The following AGPAT4 variants were observed in gnomAD, a reference collection of about 807,000 sequenced individuals.
The protein encoded by AGPAT4 is 1-acyl-sn-glycerol-3-phosphate acyltransferase delta.
AGPAT4 carries 15 observed loss-of-function variants against 48.0 expected under a neutral mutation model. The observed-to-expected ratio is 0.31, with a 90% CI of 0.21 to 0.48. AGPAT4 has a LOEUF of 0.48. Among genes scored for constraint, AGPAT4 ranks in the 20% least tolerant of loss-of-function variants. The probability of loss-of-function intolerance (pLI) is 0.99; values close to 1 mark genes in which losing one functional copy is unlikely to be tolerated. For synonymous variants in AGPAT4, 178 were observed against 198.7 expected (o/e 0.90, Z 0.88); for missense variants, 314 against 482.5 (o/e 0.65, Z 3.27).
intron 2 of AGPAT4, among the ~76,000 whole-genome samples, chr6:161,179,036 A>T (rs1349909009): frequency 6.6e-6 from 1 of 152,090 alleles, no homozygotes; most frequent in African/African-American, 2.4e-5. Context: ...AAAGCCCCAA[A>T]CCATTGCTTG....
Position 161,243,313 on chromosome 6 carries a change from C to T in AGPAT4, c.-89-11011G>A, listed in dbSNP as rs999475644. Among the ~76,000 whole-genome samples, 1 of 152,018 alleles carries T rather than the reference C, an allele frequency of 6.6e-6. No homozygotes were observed. The highest frequency in any genetic ancestry group is 1.5e-5 in the Non-Finnish European group (1 of 67,994). ...CCGGCCCTGGGCCGGCAGAAGCAGGCGTGAGGTGGCTGGCATCCCCAGCCG... is the reference window on the plus strand; with the variant it reads ...CCGGCCCTGGGCCGGCAGAAGCAGGTGTGAGGTGGCTGGCATCCCCAGCCG... On this transcript the variant is annotated intron_variant, in intron 1 of 8. Transcript: ENST00000320285. This position sits in a 1 kb window ranked among gnomAD's most constrained non-coding sequence, Gnocchi z 4.8.
In AGPAT4 at chr6:161,171,347, G is replaced by C. The variant is rs1488458158; in HGVS notation, c.179-4930C>G. Among the ~76,000 whole-genome samples the C allele has an allele frequency of 6.6e-6, 1 of 152,230 alleles. No individual in the cohort carries two copies. The highest frequency in any genetic ancestry group is 1.5e-5 in the Non-Finnish European group (1 of 68,046). ...TTATTTCTTATAGTTCTGGAGGCTG[G>C]GAAGTCCAAAGTCAAGAGGGCTGCA... On this transcript the variant is annotated intron_variant, in intron 2 of 8. Coordinates refer to ENST00000320285, the MANE Select transcript of AGPAT4 (RefSeq NM_020133.3). This position sits in a 1 kb window ranked among gnomAD's most constrained non-coding sequence, Gnocchi z 4.4.
chr6:161,170,841 G>C (rs1470811579), intron 2 of AGPAT4, among the ~76,000 whole-genome samples: 2 of 152,162 alleles, frequency 1.3e-5, no homozygotes, highest in African/African-American at 2.4e-5. Context: ...TCAGGGCTCA[G>C]GGCATGCAGC....
At position 161,155,402 on chromosome 6, in the gene AGPAT4, G is replaced by A. The variant is rs144328895; in HGVS notation, c.349-1092C>T. Among the ~76,000 whole-genome samples, 530 of 152,292 alleles carry A rather than the reference G, an allele frequency of 3.5e-3. 1 individual carries two copies. Among genetic ancestry groups the A allele is most frequent in the African/African-American group, 0.012 (490 of 41,554 alleles). Reference sequence around the variant, plus strand: ...GCCCTAAACCTAGGATGCCCACAGCGCAGAGAGCTCCGGCTTCAACACAGC... The same window carrying A: ...GCCCTAAACCTAGGATGCCCACAGCACAGAGAGCTCCGGCTTCAACACAGC... On this transcript the variant is annotated intron_variant, in intron 3 of 8. Transcript: ENST00000320285. This position sits in a 1 kb window ranked among gnomAD's most constrained non-coding sequence, Gnocchi z 5.8.
Position 161,161,618 on chromosome 6 carries a change from G to T in AGPAT4, c.348+4630C>A. On this transcript the variant is annotated intron_variant, in intron 3 of 8. Transcript: ENST00000320285. This position sits in a 1 kb window ranked among gnomAD's most constrained non-coding sequence, Gnocchi z 4.6. ...CAAAACCATGGCGGTGGGCATATCT[G>T]CTGAAAATACCCCTCCATATCTGGA... 1 of 386,912 alleles carries T rather than the reference G, an allele frequency of 2.6e-6. No individual in the cohort carries two copies. The highest frequency in any genetic ancestry group is 5.2e-6 in the Non-Finnish European group (1 of 190,634). 24.0% of individuals were successfully genotyped at this position (386,912 alleles called of 1,614,324 possible).
Position 161,178,277 on chromosome 6 carries a change from T to A in AGPAT4, c.179-11860A>T, listed in dbSNP as rs917827559. On this transcript the variant is annotated intron_variant, in intron 2 of 8. Coordinates refer to ENST00000320285, the MANE Select transcript of AGPAT4 (RefSeq NM_020133.3). This position sits in a 1 kb window ranked among gnomAD's most constrained non-coding sequence, Gnocchi z 5.1. ...CAGGCCTCCTTGAGCTGCGGTGGGC[T>A]CCACCCAATTCAAGCTTCCCAGCCA... 3.3e-5 allele frequency among the ~76,000 whole-genome samples: 5 copies of A among 152,036 alleles called. No individual in the cohort carries two copies. Among genetic ancestry groups the A allele is most frequent in the African/African-American group, 7.2e-5 (3 of 41,430 alleles).
chr6:161,228,606 T>G (rs1215304104), intron 2 of AGPAT4, among the ~76,000 whole-genome samples: 3 of 138,186 alleles, frequency 2.2e-5, no homozygotes, highest in Non-Finnish European at 4.6e-5. Flanking sequence ...ACCCTGACAT[T>G]AATAGATTCT....
At position 161,202,039 on chromosome 6, in the gene AGPAT4, C is replaced by T. The variant is rs1781252512; in HGVS notation, c.178+29997G>A. ...CAGGAAGTCTACCTGACCCGGGAAC[C>T]TGGACAAGGTGGCTCTCATATATAC... On this transcript the variant is annotated intron_variant, in intron 2 of 8. Coordinates refer to ENST00000320285, the MANE Select transcript of AGPAT4 (RefSeq NM_020133.3). This position sits in a 1 kb window ranked among gnomAD's most constrained non-coding sequence, Gnocchi z 5.4. Among the ~76,000 whole-genome samples, 1 of 152,192 alleles carries T rather than the reference C, an allele frequency of 6.6e-6. No individual in the cohort carries two copies. The highest frequency in any genetic ancestry group is 1.5e-5 in the Non-Finnish European group (1 of 68,038).
chr6:161,207,164 ACAAT>A (rs1266992442), intron 2 of AGPAT4, among the ~76,000 whole-genome samples: 1 of 152,232 alleles, frequency 6.6e-6, no homozygotes, highest in Non-Finnish European at 1.5e-5. Flanking sequence ...AGAAGTGTGG[ACAAT>A]CAATTAGTGA....
At chr6:161,136,655 G>GAGTT in intron 8 of AGPAT4, 21 bp from the exon 9 acceptor site, 4 of 1,608,748 alleles carry the variant, frequency 2.5e-6, no homozygotes, top group East Asian at 2.2e-5. Context: ...AAGGAGAGCA[G>GAGTT]AGTTAGGAGT....
chr6:161,229,797 G>A lies in AGPAT4; in HGVS notation c.178+2239C>T, dbSNP rs1782078278. ...ATTGTTTAAAAATGCTTCCACTATC[G>A]CTTGGCCCAAAGCCCTAGGAAGCCT... On this transcript the variant is annotated intron_variant, in intron 2 of 8. Coordinates refer to ENST00000320285, the MANE Select transcript of AGPAT4 (RefSeq NM_020133.3). The surrounding 1 kb of genome is among the most constrained non-coding windows in gnomAD (Gnocchi z 6.0). Among the ~76,000 whole-genome samples the A allele has an allele frequency of 6.6e-6, 1 of 152,018 alleles. No individual in the cohort carries two copies. Among genetic ancestry groups the A allele is most frequent in the East Asian group, 1.9e-4 (1 of 5,170 alleles).
At position 161,249,765 on chromosome 6, in the gene AGPAT4, C is replaced by T. The variant is rs796326778; in HGVS notation, c.-89-17463G>A. 7.2e-5 allele frequency among the ~76,000 whole-genome samples: 11 copies of T among 152,272 alleles called. No individual in the cohort carries two copies. The highest frequency in any genetic ancestry group is 2.4e-4 in the African/African-American group (10 of 41,554). On this transcript the variant is annotated intron_variant, in intron 1 of 8. Transcript: ENST00000320285. The surrounding 1 kb of genome is among the most constrained non-coding windows in gnomAD (Gnocchi z 6.2). Reference sequence around the variant, plus strand: ...AAACAGTGTCGCAATTCCTCAAAGACCTAAAAACAGAAATATCATTCGACC... The same window carrying T: ...AAACAGTGTCGCAATTCCTCAAAGATCTAAAAACAGAAATATCATTCGACC...
chr6:161,247,099 T>C (rs1322825219), intron 1 of AGPAT4, among the ~76,000 whole-genome samples: 7 of 152,248 alleles, frequency 4.6e-5, no homozygotes, highest in Non-Finnish European at 1.0e-4. Flanking sequence ...TATGTTAAAC[T>C]GACATGAAAT....
rs375282219 is a variant in AGPAT4, at chr6:161,158,811, CG to C, written c.349-4502del. Among the ~76,000 whole-genome samples, 663 of 152,280 alleles carry C rather than the reference CG, an allele frequency of 4.4e-3. 3 individuals carry two copies. The highest frequency in any genetic ancestry group is 0.015 in the African/African-American group (639 of 41,564). On this transcript the variant is annotated intron_variant, in intron 3 of 8. Transcript: ENST00000320285. The surrounding 1 kb of genome is among the most constrained non-coding windows in gnomAD (Gnocchi z 5.3). The stretch of plus-strand genomic sequence containing the variant: ...GGCTTCAGATGAAGATTCCAAACCC[CG>C]GTGCTGCGAGCAGCATGGCTGGGAG...
rs1234826830 is a variant in AGPAT4 at position 161,164,011 on chromosome 6, A to G, written c.348+2237T>C. 6.6e-6 allele frequency among the ~76,000 whole-genome samples: 1 copy of G among 152,160 alleles called. No homozygotes were observed. Among genetic ancestry groups the G allele is most frequent in the Non-Finnish European group, 1.5e-5 (1 of 68,036 alleles). On this transcript the variant is annotated intron_variant, in intron 3 of 8. Transcript: ENST00000320285. The surrounding 1 kb of genome is among the most constrained non-coding windows in gnomAD (Gnocchi z 7.4). Reference sequence around the variant, plus strand: ...TAATGAGTGAAGTCCTATAAATAGAATATCACCGATGAAATCAAGGGGAGG... The same window carrying G: ...TAATGAGTGAAGTCCTATAAATAGAGTATCACCGATGAAATCAAGGGGAGG...
chr6:161,171,708 T>C lies in AGPAT4; in HGVS notation c.179-5291A>G, dbSNP rs1209622855. ...ATCGAGACCATCCTGGCTAACACAG[T>C]GAAACCCTGTCTCTACTAAAAATAC... On this transcript the variant is annotated intron_variant, in intron 2 of 8. Coordinates refer to ENST00000320285, the MANE Select transcript of AGPAT4 (RefSeq NM_020133.3). The surrounding 1 kb of genome is among the most constrained non-coding windows in gnomAD (Gnocchi z 4.4). 6.8e-6 allele frequency among the ~76,000 whole-genome samples: 1 copy of C among 147,292 alleles called. No homozygotes were observed. The highest frequency in any genetic ancestry group is 1.5e-5 in the Non-Finnish European group (1 of 67,148).
chr6:161,235,442 AG>A lies in AGPAT4; in HGVS notation c.-89-3141del, dbSNP rs1209044122. On this transcript the variant is annotated intron_variant, in intron 1 of 8. Transcript: ENST00000320285. The surrounding 1 kb of genome is among the most constrained non-coding windows in gnomAD (Gnocchi z 6.2). ...TAAAAGAAACGTGGCTGAATTATGT[AG>A]GGGTGTGTCTGGAGGACAAATGTGT... Among the ~76,000 whole-genome samples, 1 of 152,234 alleles carries A rather than the reference AG, an allele frequency of 6.6e-6. No homozygotes were observed. Among genetic ancestry groups the A allele is most frequent in the Non-Finnish European group, 1.5e-5 (1 of 68,048 alleles).
rs2114750377 is a variant in AGPAT4 at position 161,261,019 on chromosome 6, G to C, written c.-90+12919C>G. Among the ~76,000 whole-genome samples, 2 of 152,350 alleles carry C rather than the reference G, an allele frequency of 1.3e-5. No homozygotes were observed. Among genetic ancestry groups the C allele is most frequent in the Admixed American group, 1.3e-4 (2 of 15,296 alleles). ...ACGTCTTCGCCTTCTAGAATTTCCT[G>C]AGCAGGGCTCACTCTGGTGCTCCGA... On this transcript the variant is annotated intron_variant, in intron 1 of 8. Transcript: ENST00000320285. The surrounding 1 kb of genome is among the most constrained non-coding windows in gnomAD (Gnocchi z 5.3).
rs1023224125 is a variant in AGPAT4, at chr6:161,262,059, G to T, written c.-90+11879C>A. Among the ~76,000 whole-genome samples, 4 of 152,158 alleles carry T rather than the reference G, an allele frequency of 2.6e-5. No individual in the cohort carries two copies. Among genetic ancestry groups the T allele is most frequent in the Non-Finnish European group, 5.9e-5 (4 of 68,028 alleles). On this transcript the variant is annotated intron_variant, in intron 1 of 8. Coordinates refer to ENST00000320285, the MANE Select transcript of AGPAT4 (RefSeq NM_020133.3). This position sits in a 1 kb window ranked among gnomAD's most constrained non-coding sequence, Gnocchi z 4.9. ...CTGGTACATCATCTTAAATGTCGCT[G>T]TGGTCATCATTATCATCACTGTGCC... is the stretch of plus-strand genomic sequence containing the variant.
Sources: allele counts gnomAD v4.1 joint callset (sites outside exome capture counted in the v4.1 genomes callset), GRCh38; gene constraint gnomAD v4.1.1; non-coding constraint Gnocchi (gnomAD v3.1); transcripts MANE v1.5; gene names NCBI Gene and HGNC (gene_info 2026-07-23, HGNC 2026-07-21).